TMEM117: variants seen among roughly 807,000 people sequenced by gnomAD.
The protein encoded by TMEM117 is transmembrane protein 117.
In TMEM117, 27 loss-of-function variants were observed where a neutral mutation model predicts 52.4. The observed-to-expected ratio is 0.51, with a 90% CI of 0.38 to 0.71. The LOEUF (loss-of-function observed/expected upper bound fraction) is 0.71. TMEM117 is among the 30% of genes least tolerant of loss of function. TMEM117 has a pLI of 0.00. For missense variants in TMEM117, 556 were observed against 630.5 expected (o/e 0.88, Z 1.26); for synonymous variants, 215 against 206.3 (o/e 1.04, Z -0.36).
chr12:44,135,196 A>C (rs985147462), intron 3 of TMEM117, among the ~76,000 whole-genome samples: 1 of 152,196 alleles, frequency 6.6e-6, no homozygotes, highest in African/African-American at 2.4e-5. Flanking sequence ...CAGAAAAGGA[A>C]ACAATAGCAG....
chr12:44,021,386 A>G (rs1427419835), intron 3 of TMEM117, among the ~76,000 whole-genome samples: 2 of 152,062 alleles, frequency 1.3e-5, no homozygotes, highest in Non-Finnish European at 2.9e-5. Flanking sequence ...TTTCTGCATT[A>G]GTTTTCTAAG....
At chr12:44,104,665 A>G (rs1193458099) in intron 3 of TMEM117, among the ~76,000 whole-genome samples, 1 of 151,978 alleles carries the variant, frequency 6.6e-6, no homozygotes, top group Non-Finnish European at 1.5e-5. Context: ...AGGCAGGTCT[A>G]CTGGCAACAA....
intron 5 of TMEM117, among the ~76,000 whole-genome samples, chr12:44,218,223 AAAAAAAC>A (rs992921593): frequency 1.3e-5 from 2 of 151,920 alleles, no homozygotes; most frequent in African/African-American, 2.4e-5. Flanking sequence ...GGCTCCGTCA[AAAAAAAC>A]AAAAAACAAA....
intron 5 of TMEM117, among the ~76,000 whole-genome samples, chr12:44,282,448 A>G (rs1950589782): frequency 6.6e-6 from 1 of 152,166 alleles, no homozygotes. Context: ...TATGGACCAT[A>G]AGGTCCAGGT....
At position 43,873,095 on chromosome 12, in the gene TMEM117, GAC is replaced by G. The variant is rs951206383; in HGVS notation, c.277+28169_277+28170del. 1.3e-4 allele frequency among the ~76,000 whole-genome samples: 20 copies of G among 152,300 alleles called. No individual in the cohort carries two copies. The East Asian group carries it at 3.9e-3, about 29-fold the overall frequency. ...CAATAGTGATGGATGCTTGAGGAGA[GAC>G]AGAGGATTTTGCAAACTGATTAAAG... On this transcript the variant is annotated intron_variant, in intron 2 of 7. Coordinates refer to ENST00000266534, the MANE Select transcript of TMEM117 (RefSeq NM_032256.3).
At chr12:43,839,239 A>C (rs1943079755) in intron 1 of TMEM117, among the ~76,000 whole-genome samples, 2 of 152,094 alleles carry the variant, frequency 1.3e-5, no homozygotes, top group Admixed American at 1.3e-4. Context: ...AAATATTTTC[A>C]ACCAGGAAAC....
the TMEM117 span, among the ~76,000 whole-genome samples, chr12:43,817,540 T>A: frequency 1.3e-5 from 2 of 152,206 alleles, no homozygotes; most frequent in African/African-American, 4.8e-5. Flanking sequence ...CTGAAGGCAG[T>A]GGAAACTATT....
intron 2 of TMEM117, among the ~76,000 whole-genome samples, chr12:43,912,699 A>T (rs1944533837): frequency 6.6e-6 from 1 of 151,780 alleles, no homozygotes; most frequent in Admixed American, 6.6e-5. Context: ...CTTGGTTAAT[A>T]TTATCCTTAA....
chr12:44,375,467 T>C (rs1207339020), intron 6 of TMEM117, among the ~76,000 whole-genome samples: 1 of 152,192 alleles, frequency 6.6e-6, no homozygotes. Flanking sequence ...TCACATATTG[T>C]CTTCTTCAAG....
At chr12:43,898,349 T>A (rs1944246478) in intron 2 of TMEM117, among the ~76,000 whole-genome samples, 1 of 149,472 alleles carries the variant, frequency 6.7e-6, no homozygotes, top group South Asian at 2.1e-4. Flanking sequence ...CAGGATATAT[T>A]GTGATTAATA....
chr12:44,378,713 T>G (rs1247665152), intron 7 of TMEM117, among the ~76,000 whole-genome samples: 5 of 152,194 alleles, frequency 3.3e-5, no homozygotes, highest in Non-Finnish European at 7.3e-5. Context: ...GTTTGCCATA[T>G]GATGCTGATG....
At chr12:44,007,678 C>A (rs1946221200) in intron 3 of TMEM117, among the ~76,000 whole-genome samples, 1 of 152,000 alleles carries the variant, frequency 6.6e-6, no homozygotes, top group African/African-American at 2.4e-5. Context: ...CCTACAATTC[C>A]CATGTGTAGT....
intron 6 of TMEM117, among the ~76,000 whole-genome samples, chr12:44,314,205 C>A (rs1264046441): frequency 1.3e-5 from 2 of 152,082 alleles, no homozygotes; most frequent in Non-Finnish European, 2.9e-5. Flanking sequence ...CCAGCTTTTG[C>A]CCAGTCAGAA....
chr12:43,806,112 A>G, the TMEM117 span: 346 of 1,523,650 alleles, frequency 2.3e-4, 1 homozygote, highest in East Asian at 7.9e-3. Flanking sequence ...CGCGAGACCG[A>G]CTTCCGGAGC....
intron 3 of TMEM117, among the ~76,000 whole-genome samples, chr12:44,129,728 T>G (rs1948384752): frequency 6.6e-6 from 1 of 152,204 alleles, no homozygotes; most frequent in South Asian, 2.1e-4. Flanking sequence ...CACTTTCCCC[T>G]TAAGAGGTAC....
chr12:44,019,312 G>A (rs1160929663), intron 3 of TMEM117, among the ~76,000 whole-genome samples: 2 of 151,876 alleles, frequency 1.3e-5, no homozygotes, highest in South Asian at 2.1e-4. Flanking sequence ...GAAAAGACTA[G>A]TCACAGTCAA....
At chr12:44,284,570 A>G (rs575926664) in intron 5 of TMEM117, among the ~76,000 whole-genome samples, 26 of 152,368 alleles carry the variant, frequency 1.7e-4, no homozygotes, top group African/African-American at 6.3e-4. Flanking sequence ...CATGCCCATT[A>G]GGTGCATCCA....
chr12:44,114,457 A>G (rs17094092), intron 3 of TMEM117, among the ~76,000 whole-genome samples: 41,090 of 152,016 alleles, frequency 0.27, 10,096 homozygotes, highest in African/African-American at 0.66. Flanking sequence ...AAAACTCAGG[A>G]GTACTGAACC....
intron 4 of TMEM117, among the ~76,000 whole-genome samples, chr12:44,196,271 G>A (rs908605597): frequency 6.6e-6 from 1 of 151,950 alleles, no homozygotes; most frequent in African/African-American, 2.4e-5. Flanking sequence ...ATAAAGATAT[G>A]AGCAGAATTA....
Sources: gnomAD v4.1 joint callset for allele counts (sites outside exome capture counted in the v4.1 genomes callset) on GRCh38, gnomAD v4.1.1 for gene constraint, MANE v1.5 for transcripts, NCBI Gene and HGNC (gene_info 2026-07-23, HGNC 2026-07-21) for gene names.